KDM6A: variants seen among roughly 807,000 people sequenced by gnomAD.
KDM6A encodes the protein lysine demethylase 6A, also known as lysine-specific demethylase 6A.
A neutral mutation model predicts 117.6 loss-of-function variants in KDM6A; 11 were observed. That is an observed-to-expected ratio of 0.09 (90% CI 0.06 to 0.15). The LOEUF (loss-of-function observed/expected upper bound fraction) is 0.15, where lower values mean the gene tolerates loss of function less well. Ranked by LOEUF, KDM6A falls within the 10% of genes least tolerant of loss-of-function variation. The pLI, the probability that KDM6A is intolerant of heterozygous loss-of-function variation, is 1.00. For missense variants in KDM6A, 799 were observed against 1,077.3 expected, an observed-to-expected ratio of 0.74 and a Z score of 3.62; for synonymous variants, 384 against 396.1, an observed-to-expected ratio of 0.97 and a Z score of 0.36.
chrX:45,076,634 T>C (rs976379971), intron 18 of KDM6A, 63 bp from the exon 19 acceptor site: 10 of 751,496 alleles, frequency 1.3e-5, no homozygotes, highest in Admixed American at 1.2e-4. Context: ...TCAGGATTCT[T>C]TTTTTTTTTT....
At position 45,089,937 on chromosome X, in the gene KDM6A, T is replaced by G; in HGVS notation, c.3892+7T>G. 1.7e-6 allele frequency: 2 copies of G among 1,196,166 alleles called. No homozygotes were observed. The highest frequency in any genetic ancestry group is 2.3e-6 in the Non-Finnish European group (2 of 882,269). ...AATGTTGGTCCACTTACAGGTATTA[T>G]AAAGAATATGCTTTAAAAAAGTTAA... On this transcript the variant is annotated splice_region_variant and intron_variant, in intron 26 of 29. Coordinates refer to ENST00000611820, the MANE Select transcript of KDM6A (RefSeq NM_001291415.2).
intron 1 of KDM6A, 70 bp from the exon 2 acceptor site, chrX:44,873,854 C>A: frequency 8.6e-7 from 1 of 1,166,513 alleles, no homozygotes; most frequent in Non-Finnish European, 1.2e-6. Context: ...GCTGGGGCCT[C>A]GGGCTCGGGC....
intron 2 of KDM6A, among the ~76,000 whole-genome samples, chrX:44,933,642 A>G (rs1411305226): frequency 9.1e-6 from 1 of 109,996 alleles, no homozygotes; most frequent in Non-Finnish European, 1.9e-5. Flanking sequence ...TAGTGATGCA[A>G]TCTCGGCTCA....
At chrX:44,900,843 T>C (rs1029340214) in intron 2 of KDM6A, among the ~76,000 whole-genome samples, 5 of 111,708 alleles carry the variant, frequency 4.5e-5, no homozygotes, top group African/African-American at 1.3e-4. Flanking sequence ...ATCGTGTCAC[T>C]GCACTCCAGC....
intron 2 of KDM6A, among the ~76,000 whole-genome samples, chrX:44,875,716 TAATAA>T (rs1283322054): frequency 8.9e-6 from 1 of 111,914 alleles, no homozygotes; most frequent in African/African-American, 3.2e-5. Flanking sequence ...TAACATGGGT[TAATAA>T]AATTGCTTGC....
intron 2 of KDM6A, among the ~76,000 whole-genome samples, chrX:44,925,316 G>A (rs1454201345): frequency 9.0e-6 from 1 of 110,952 alleles, no homozygotes; most frequent in African/African-American, 3.3e-5. Flanking sequence ...CCTTTGTGTC[G>A]GAACTCTCTC....
chrX:44,937,585 TAATA>T (rs2037047691), intron 2 of KDM6A, among the ~76,000 whole-genome samples: 1 of 111,836 alleles, frequency 8.9e-6, no homozygotes, highest in Admixed American at 9.5e-5. Context: ...TAAACTTAAT[TAATA>T]AACATGTATG....
intron 6 of KDM6A, among the ~76,000 whole-genome samples, chrX:45,025,038 A>C (rs2042312035): frequency 8.9e-6 from 1 of 112,510 alleles, no homozygotes; most frequent in Non-Finnish European, 1.9e-5. Flanking sequence ...TTCGTGAACT[A>C]GTTTAATATT....
At chrX:44,953,917 C>T (rs2038166006) in intron 2 of KDM6A, among the ~76,000 whole-genome samples, 1 of 110,073 alleles carries the variant, frequency 9.1e-6, no homozygotes, top group Non-Finnish European at 1.9e-5. Flanking sequence ...ATTAGCCAGG[C>T]GTGGTGGCGT....
intron 2 of KDM6A, among the ~76,000 whole-genome samples, chrX:44,958,015 G>A (rs1176863970): frequency 1.8e-5 from 2 of 110,910 alleles, no homozygotes; most frequent in Non-Finnish European, 3.8e-5. Flanking sequence ...TGTCTAAATG[G>A]CTACTGTATT....
intron 4 of KDM6A, among the ~76,000 whole-genome samples, chrX:45,007,502 CGT>C (rs1491151982): frequency 1.9e-5 from 2 of 105,717 alleles, no homozygotes; most frequent in Non-Finnish European, 3.8e-5. Flanking sequence ...TGCTTACAAA[CGT>C]GTCTTGAACT....
chrX:44,887,025 C>T (rs777854017), intron 2 of KDM6A, among the ~76,000 whole-genome samples: 1 of 106,358 alleles, frequency 9.4e-6, no homozygotes, highest in Non-Finnish European at 1.9e-5. Context: ...GCCTCCGCCT[C>T]CCAGGTTCAG....
chrX:45,072,201 A>G (rs572207483), intron 18 of KDM6A, among the ~76,000 whole-genome samples: 1 of 111,037 alleles, frequency 9.0e-6, no homozygotes, highest in East Asian at 2.8e-4. Context: ...CCTTTTTTAT[A>G]TTTTATTTTT....
intron 6 of KDM6A, among the ~76,000 whole-genome samples, chrX:45,024,624 G>C (rs758821124): frequency 3.6e-5 from 4 of 111,430 alleles, no homozygotes; most frequent in Non-Finnish European, 7.5e-5. Flanking sequence ...TTATTTTGCT[G>C]TGCAGAAGCT....
chrX:44,925,770 G>A (rs766494372), intron 2 of KDM6A, among the ~76,000 whole-genome samples: 2 of 111,552 alleles, frequency 1.8e-5, no homozygotes, highest in Non-Finnish European at 3.8e-5. Flanking sequence ...TGTGGTTAAT[G>A]CATGCTTCCA....
chrX:44,996,000 A>G (rs2040846582), intron 4 of KDM6A, among the ~76,000 whole-genome samples: 1 of 111,780 alleles, frequency 8.9e-6, no homozygotes, highest in Non-Finnish European at 1.9e-5. Flanking sequence ...TCCATTTTAC[A>G]AAGATGAAGA....
intron 27 of KDM6A, 122 bp downstream of exon 27, chrX:45,090,986 T>C (rs1284006504): frequency 6.8e-6 from 5 of 731,972 alleles, no homozygotes; most frequent in Non-Finnish European, 6.3e-6. Flanking sequence ...TCTAGCAGAA[T>C]GTATTATGAG....
At chrX:45,043,375 G>T (rs1483127367) in intron 8 of KDM6A, among the ~76,000 whole-genome samples, 2 of 111,711 alleles carry the variant, frequency 1.8e-5, no homozygotes, top group Non-Finnish European at 3.8e-5. Flanking sequence ...TTAATAATAG[G>T]CATTTGGGTT....
At chrX:45,001,318 G>A (rs1275891250) in intron 4 of KDM6A, among the ~76,000 whole-genome samples, 2 of 111,811 alleles carry the variant, frequency 1.8e-5, no homozygotes. Flanking sequence ...GGGGAGGGCT[G>A]TCCTTCTAGT....
Sources: allele counts gnomAD v4.1 joint callset (sites outside exome capture counted in the v4.1 genomes callset), GRCh38; gene constraint gnomAD v4.1.1; transcripts MANE v1.5; gene names NCBI Gene and HGNC (gene_info 2026-07-23, HGNC 2026-07-21).